The following FAAH2 variants were observed in gnomAD, a reference collection of about 807,000 sequenced individuals.
FAAH2 encodes the protein fatty-acid amide hydrolase 2.
In FAAH2, 60 loss-of-function variants were observed where a neutral mutation model predicts 36.9. That is an observed-to-expected ratio of 1.63 (90% CI 1.32 to 2.02). FAAH2 has a LOEUF of 2.02. Ranked by LOEUF, FAAH2 falls within the 30% of genes most tolerant of loss-of-function variation. FAAH2 has a pLI of 0.00. For missense variants in FAAH2, 689 were observed against 397.5 expected, an observed-to-expected ratio of 1.73 and a Z score of -6.23; for synonymous variants, 214 against 143.8, an observed-to-expected ratio of 1.49 and a Z score of -3.49.
chrX:57,246,160 C>T, the FAAH2 span, among the ~76,000 whole-genome samples: 4 of 111,775 alleles, frequency 3.6e-5, no homozygotes, highest in South Asian at 1.1e-3. Context: ...ATAAACCCTA[C>T]TAAGTCTAAA....
chrX:57,317,967 G>GA (rs752288850), intron 3 of FAAH2, among the ~76,000 whole-genome samples: 1 of 111,588 alleles, frequency 9.0e-6, no homozygotes, highest in South Asian at 3.7e-4. Context: ...AAACCAGTGA[G>GA]AAAAAAGACA....
chrX:57,436,742 T>A (rs1361889088), intron 8 of FAAH2, among the ~76,000 whole-genome samples: 7 of 111,402 alleles, frequency 6.3e-5, no homozygotes, highest in Non-Finnish European at 1.3e-4. Flanking sequence ...AATAGCAACA[T>A]TGAATCAGTA....
chrX:57,407,037 T>C (rs2055583608), intron 7 of FAAH2, among the ~76,000 whole-genome samples: 1 of 112,046 alleles, frequency 8.9e-6, no homozygotes, highest in Non-Finnish European at 1.9e-5. Context: ...GAGATCAGCA[T>C]TGTACCTGTG....
chrX:57,220,787 C>T, the FAAH2 span, among the ~76,000 whole-genome samples: 1 of 111,667 alleles, frequency 9.0e-6, no homozygotes, highest in African/African-American at 3.3e-5. Context: ...AGTCCATGCC[C>T]CTCTCTGCGG....
chrX:57,416,011 G>A (rs185845520), intron 7 of FAAH2, among the ~76,000 whole-genome samples: 1 of 110,776 alleles, frequency 9.0e-6, no homozygotes. Flanking sequence ...AATCTTTGTT[G>A]GTTTAAAATC....
chrX:57,247,919 G>A, the FAAH2 span, among the ~76,000 whole-genome samples: 2 of 111,766 alleles, frequency 1.8e-5, no homozygotes, highest in Non-Finnish European at 3.8e-5. Context: ...TGATAAAAGT[G>A]GTAAATTTTC....
the FAAH2 span, among the ~76,000 whole-genome samples, chrX:57,227,998 T>A: frequency 8.9e-6 from 1 of 111,900 alleles, no homozygotes; most frequent in African/African-American, 3.3e-5. Context: ...CACCATGCCC[T>A]CAGCAACAGC....
the FAAH2 span, among the ~76,000 whole-genome samples, chrX:57,180,774 T>A: frequency 9.0e-6 from 1 of 111,431 alleles, no homozygotes; most frequent in Non-Finnish European, 1.9e-5. Flanking sequence ...TCCTCCCCAC[T>A]GCATTCTATG....
rs780224827 is a variant in FAAH2, at chrX:57,329,628, C to T, written c.413-1970C>T. On this transcript the variant is annotated intron_variant, in intron 3 of 10. Coordinates refer to ENST00000374900, the MANE Select transcript of FAAH2 (RefSeq NM_174912.4). ...GGTAGAGAAGGGAAGACAAGGTCCA[C>T]ACACACACACACACACACACACAAG... 3.8e-5 allele frequency among the ~76,000 whole-genome samples: 4 copies of T among 104,490 alleles called. No homozygotes were observed. The South Asian group carries it at 1.8e-3, about 46-fold the overall frequency. 90.7% of individuals were successfully genotyped at this position (104,490 alleles called of 115,157 possible).
At chrX:57,192,972 C>T in the FAAH2 span, among the ~76,000 whole-genome samples, 1 of 111,872 alleles carries the variant, frequency 8.9e-6, no homozygotes, top group Non-Finnish European at 1.9e-5. Context: ...AATTGTAGAG[C>T]ATGTGTGTTT....
chrX:57,207,435 C>T, the FAAH2 span, among the ~76,000 whole-genome samples: 15 of 112,020 alleles, frequency 1.3e-4, no homozygotes, highest in African/African-American at 4.9e-4. Context: ...ATTCTTGTAT[C>T]TACCAAACCT....
the FAAH2 span, among the ~76,000 whole-genome samples, chrX:57,241,452 A>G: frequency 1.8e-5 from 2 of 112,315 alleles, no homozygotes; most frequent in Admixed American, 9.4e-5. Context: ...TACAAGAAAA[A>G]AAAACAGACC....
At chrX:57,202,296 G>A in the FAAH2 span, among the ~76,000 whole-genome samples, 1 of 112,077 alleles carries the variant, frequency 8.9e-6, no homozygotes, top group East Asian at 2.8e-4. Context: ...AGGCTTTCCA[G>A]AAATTCAAAC....
chrX:57,277,464 A>G, the FAAH2 span, among the ~76,000 whole-genome samples: 1 of 112,014 alleles, frequency 8.9e-6, no homozygotes, highest in South Asian at 3.7e-4. Context: ...CACAGCCAAT[A>G]TCATACTGAA....
intron 7 of FAAH2, chrX:57,394,743 A>C: frequency 1.1e-6 from 1 of 879,292 alleles, no homozygotes; most frequent in Non-Finnish European, 1.7e-6. Flanking sequence ...GGTTTGATCC[A>C]TTCCCCTTTA....
chrX:57,383,235 A>T (rs922194200), intron 7 of FAAH2, among the ~76,000 whole-genome samples: 1 of 112,097 alleles, frequency 8.9e-6, no homozygotes, highest in Non-Finnish European at 1.9e-5. Context: ...GAATGGCAAA[A>T]ACTGGAAGCA....
At chrX:57,159,547 G>T in the FAAH2 span, among the ~76,000 whole-genome samples, 49 of 110,217 alleles carry the variant, frequency 4.4e-4, no homozygotes, top group African/African-American at 1.5e-3. Flanking sequence ...CCTTGAAGAG[G>T]TCCTTCACAT....
the FAAH2 span, among the ~76,000 whole-genome samples, chrX:57,248,753 C>CAAAAAAA: frequency 1.4e-4 from 2 of 14,499 alleles, no homozygotes; most frequent in African/African-American, 2.3e-4. Flanking sequence ...AGCTCCGTCT[C>CAAAAAAA]AAAAAAAAAA....
intron 10 of FAAH2, among the ~76,000 whole-genome samples, chrX:57,467,304 TC>T (rs2057068977): frequency 9.0e-6 from 1 of 110,905 alleles, no homozygotes; most frequent in South Asian, 3.8e-4. Flanking sequence ...GGGCAAGGCA[TC>T]GCCTCTCCCA....
Sources: gnomAD v4.1 joint callset for allele counts (sites outside exome capture counted in the v4.1 genomes callset) on GRCh38, gnomAD v4.1.1 for gene constraint, MANE v1.5 for transcripts, NCBI Gene and HGNC (gene_info 2026-07-23, HGNC 2026-07-21) for gene names.